MCTP1: variants seen among roughly 807,000 people sequenced by gnomAD.
MCTP1 encodes multiple C2 and transmembrane domain-containing protein 1.
A neutral mutation model predicts 120.6 loss-of-function variants in MCTP1; 69 were observed. The observed-to-expected ratio is 0.57, with a 90% CI of 0.47 to 0.70. The LOEUF (loss-of-function observed/expected upper bound fraction) is 0.70. Among genes scored for constraint, MCTP1 ranks in the 30% least tolerant of loss-of-function variants. MCTP1 has a pLI of 0.00. For missense variants in MCTP1, 1,203 were observed against 1,248.8 expected (o/e 0.96, Z 0.55); for synonymous variants, 529 against 493.1 (o/e 1.07, Z -0.96).
intron 18 of MCTP1, among the ~76,000 whole-genome samples, chr5:94,798,046 G>A (rs1429188555): frequency 1.3e-5 from 2 of 151,408 alleles, no homozygotes; most frequent in Non-Finnish European, 2.9e-5. Flanking sequence ...GCAAAAAATC[G>A]ATTTGTGATC....
At chr5:94,891,352 C>T (rs1802562930) in intron 11 of MCTP1, among the ~76,000 whole-genome samples, 1 of 152,148 alleles carries the variant, frequency 6.6e-6, no homozygotes, top group South Asian at 2.1e-4. Context: ...GGTTTGTGGG[C>T]ACGTTGTGTT....
intron 19 of MCTP1, among the ~76,000 whole-genome samples, chr5:94,751,888 CATAG>C (rs1291540572): frequency 6.8e-6 from 1 of 146,650 alleles, no homozygotes; most frequent in Non-Finnish European, 1.5e-5. Flanking sequence ...TGTTCTCACT[CATAG>C]ATGGGAATTG....
chr5:95,200,160 C>CAA (rs61616371), intron 1 of MCTP1, among the ~76,000 whole-genome samples: 44 of 122,238 alleles, frequency 3.6e-4, no homozygotes, highest in Middle Eastern at 4.7e-3. Context: ...GACACTATCT[C>CAA]AAAAAAAAAA....
chr5:94,907,129 T>C (rs886670304), intron 10 of MCTP1, among the ~76,000 whole-genome samples: 13 of 152,218 alleles, frequency 8.5e-5, no homozygotes, highest in Non-Finnish European at 2.9e-5. Flanking sequence ...TACTTAGGTA[T>C]AATAACATGT....
intron 1 of MCTP1, among the ~76,000 whole-genome samples, chr5:95,072,805 G>A (rs1752574759): frequency 7.6e-6 from 1 of 131,456 alleles, no homozygotes; most frequent in Non-Finnish European, 1.6e-5. Flanking sequence ...GAGTGCAATG[G>A]CGAGATCTCG....
At chr5:94,712,633 CA>C (rs1561510538) in intron 20 of MCTP1, among the ~76,000 whole-genome samples, 1 of 152,020 alleles carries the variant, frequency 6.6e-6, no homozygotes, top group African/African-American at 2.4e-5. Flanking sequence ...ATCCTATTTT[CA>C]GTAATCCCTG....
Position 94,712,981 on chromosome 5 carries a change from A to AAAAAT in MCTP1, c.2720+1791_2720+1795dup, listed in dbSNP as rs547360462. Among the ~76,000 whole-genome samples the AAAAAT allele has an allele frequency of 3.9e-4, 60 of 152,228 alleles. 1 individual carries two copies. The South Asian group carries it at 7.9e-3, about 20-fold the overall frequency. ...AATCCCCACCAGTGTAGCTGTTAGA[A>AAAAAT]AAAATAAAATAAAATAAAACTGCCC... is the stretch of plus-strand genomic sequence containing the variant. On this transcript the variant is annotated intron_variant, in intron 20 of 22. Transcript: ENST00000515393.
At chr5:94,870,592 C>T in intron 15 of MCTP1, 101 bp from the exon 16 acceptor site, 2 of 897,418 alleles carry the variant, frequency 2.2e-6, no homozygotes, top group South Asian at 2.9e-5. Flanking sequence ...GTTTCAAAGT[C>T]CTGGCTGCTG....
intron 2 of MCTP1, among the ~76,000 whole-genome samples, chr5:95,000,027 C>T (rs1833362636): frequency 6.6e-6 from 1 of 152,142 alleles, no homozygotes; most frequent in South Asian, 2.1e-4. Context: ...GGATTTAGTA[C>T]AATCATGCAC....
intron 10 of MCTP1, among the ~76,000 whole-genome samples, chr5:94,896,768 T>C (rs1249382777): frequency 6.6e-6 from 1 of 152,174 alleles, no homozygotes; most frequent in Non-Finnish European, 1.5e-5. Context: ...TAGTTACTGT[T>C]CCCCATACTG....
intron 1 of MCTP1, among the ~76,000 whole-genome samples, chr5:95,257,874 T>C (rs2152710611): frequency 6.7e-6 from 1 of 148,732 alleles, no homozygotes; most frequent in African/African-American, 2.5e-5. Context: ...AATGAAAGCG[T>C]TCCCAATGGC....
chr5:95,083,160 G>A (rs1385347365), intron 1 of MCTP1, among the ~76,000 whole-genome samples: 1 of 152,074 alleles, frequency 6.6e-6, no homozygotes, highest in Non-Finnish European at 1.5e-5. Context: ...ATAAAATATG[G>A]ATTTTTTTGT....
intron 17 of MCTP1, among the ~76,000 whole-genome samples, chr5:94,831,477 A>T (rs771869809): frequency 6.6e-6 from 1 of 152,246 alleles, no homozygotes; most frequent in African/African-American, 2.4e-5. Context: ...TTTTTTTATA[A>T]GATCCTTGTG....
chr5:94,713,869 T>C (rs1758017674), intron 20 of MCTP1, among the ~76,000 whole-genome samples: 1 of 152,180 alleles, frequency 6.6e-6, no homozygotes, highest in African/African-American at 2.4e-5. Flanking sequence ...CCTTTCAAAT[T>C]CTATGTATGC....
chr5:95,199,557 T>G (rs975772474), intron 1 of MCTP1, among the ~76,000 whole-genome samples: 1 of 151,184 alleles, frequency 6.6e-6, no homozygotes. Flanking sequence ...GAATGGCTAT[T>G]ATGAAAAAGA....
intron 14 of MCTP1, 41 bp from the exon 15 acceptor site, chr5:94,871,014 C>T (rs373123267): frequency 4.1e-4 from 610 of 1,479,484 alleles, no homozygotes; most frequent in Non-Finnish European, 5.3e-4. Flanking sequence ...CTCGCGGTCT[C>T]TACTGAATAC....
intron 17 of MCTP1, among the ~76,000 whole-genome samples, chr5:94,823,773 T>C (rs912861109): frequency 1.3e-5 from 2 of 152,350 alleles, no homozygotes; most frequent in African/African-American, 4.8e-5. Context: ...CCTTGTAAGC[T>C]GTATTCCTAG....
chr5:94,853,312 C>T (rs1794110829), intron 17 of MCTP1, among the ~76,000 whole-genome samples: 1 of 151,944 alleles, frequency 6.6e-6, no homozygotes, highest in South Asian at 2.1e-4. Context: ...AGGATGGATG[C>T]ATTAGAAAGG....
chr5:94,914,708 G>A (rs531564945), intron 8 of MCTP1, among the ~76,000 whole-genome samples: 189 of 152,348 alleles, frequency 1.2e-3, no homozygotes, highest in Non-Finnish European at 1.5e-3. Context: ...GCACCTGCAA[G>A]TTCTGCAGAA....
Sources: allele counts gnomAD v4.1 joint callset (sites outside exome capture counted in the v4.1 genomes callset), GRCh38; gene constraint gnomAD v4.1.1; transcripts MANE v1.5; gene names NCBI Gene and HGNC (gene_info 2026-07-23, HGNC 2026-07-21).